Variants in ZMYND11 observed in about 807,000 individuals in gnomAD.
ZMYND11 encodes the protein zinc finger MYND domain-containing protein 11.
A neutral mutation model predicts 84.9 loss-of-function variants in ZMYND11; 9 were observed. The ratio of observed to expected loss-of-function variants is 0.11; its 90% CI spans 0.06 to 0.18. The LOEUF (loss-of-function observed/expected upper bound fraction) is 0.18. Among genes scored for constraint, ZMYND11 ranks in the 10% least tolerant of loss-of-function variants. The probability of loss-of-function intolerance (pLI) is 1.00; values close to 1 mark genes in which losing one functional copy is unlikely to be tolerated. For synonymous variants in ZMYND11, 250 were observed against 244.1 expected (o/e 1.02, Z -0.23); for missense variants, 409 against 761.0 (o/e 0.54, Z 5.44).
At chr10:241,700 T>G (rs1405705092) in intron 9 of ZMYND11, among the ~76,000 whole-genome samples, 1 of 152,008 alleles carries the variant, frequency 6.6e-6, no homozygotes. Flanking sequence ...AATTTCCCCA[T>G]TTCTAACAAA....
chr10:201,860 C>T (rs1197991050), intron 2 of ZMYND11, among the ~76,000 whole-genome samples: 1 of 152,100 alleles, frequency 6.6e-6, no homozygotes, highest in African/African-American at 2.4e-5. Flanking sequence ...CATTTACATG[C>T]CATTTCCTGA....
At chr10:140,767 G>A (rs1410273114) in intron 1 of ZMYND11, among the ~76,000 whole-genome samples, 4 of 152,104 alleles carry the variant, frequency 2.6e-5, no homozygotes, top group Admixed American at 1.3e-4. Flanking sequence ...ATACCCTTAC[G>A]TGCACATACT....
In ZMYND11 at chr10:239,866, A is replaced by C. The variant is rs79391065; in HGVS notation, c.698-190A>C. 2,063 of 563,344 alleles carry C rather than the reference A, an allele frequency of 3.7e-3. 14 individuals are homozygous for C. The highest frequency in any genetic ancestry group is 0.011 in the Middle Eastern group (24 of 2,144). 34.9% of individuals were successfully genotyped at this position (563,344 alleles called of 1,614,324 possible). On this transcript the variant is annotated intron_variant, in intron 7 of 14. Coordinates refer to ENST00000381604, the MANE Select transcript of ZMYND11 (RefSeq NM_001370100.5). ...GTAAGGTCATTCTCTATACCCTGAG[A>C]ATTAGTGGTTGTATTGGATGGAAAA... is the stretch of plus-strand genomic sequence containing the variant.
intron 1 of ZMYND11, among the ~76,000 whole-genome samples, chr10:149,233 A>T (rs753403110): frequency 3.0e-4 from 46 of 151,812 alleles, no homozygotes; most frequent in Non-Finnish European, 5.9e-4. Flanking sequence ...TTGGATCTCC[A>T]TCCCTGCACT....
intron 10 of ZMYND11, among the ~76,000 whole-genome samples, chr10:245,565 T>C (rs971888616): frequency 2.0e-5 from 3 of 152,228 alleles, no homozygotes; most frequent in African/African-American, 7.2e-5. Flanking sequence ...ACTTGTACTC[T>C]ACCGTAGAAA....
chr10:220,745 G>C (rs566387980), intron 3 of ZMYND11, among the ~76,000 whole-genome samples: 1 of 150,160 alleles, frequency 6.7e-6, no homozygotes, highest in East Asian at 1.9e-4. Context: ...AGCATCACCA[G>C]TTATTACTAT....
upstream of ZMYND11, among the ~76,000 whole-genome samples, chr10:131,580 A>C (rs1835313229): frequency 6.6e-6 from 1 of 152,200 alleles, no homozygotes; most frequent in Non-Finnish European, 1.5e-5. Flanking sequence ...GCTGGAGTGC[A>C]GGGATGCAAT....
At chr10:195,860 A>G (rs942954351) in intron 2 of ZMYND11, among the ~76,000 whole-genome samples, 3 of 152,232 alleles carry the variant, frequency 2.0e-5, no homozygotes, top group African/African-American at 7.2e-5. Context: ...TTTTAAAATA[A>G]TTTCTTATAT....
intron 10 of ZMYND11, among the ~76,000 whole-genome samples, chr10:243,978 C>T (rs1951598753): frequency 6.6e-6 from 1 of 152,084 alleles, no homozygotes; most frequent in Non-Finnish European, 1.5e-5. Context: ...TTTTTTCCGT[C>T]AAGCTTCTTA....
At chr10:197,740 T>C (rs985654732) in intron 2 of ZMYND11, among the ~76,000 whole-genome samples, 2 of 152,156 alleles carry the variant, frequency 1.3e-5, no homozygotes, top group Non-Finnish European at 2.9e-5. Flanking sequence ...GGTGGCAGAG[T>C]GTAGTCCTAT....
intron 3 of ZMYND11, among the ~76,000 whole-genome samples, chr10:217,800 G>A (rs1946448874): frequency 6.6e-6 from 1 of 152,136 alleles, no homozygotes; most frequent in Non-Finnish European, 1.5e-5. Context: ...GGTAGAAAAT[G>A]ACACATAGAG....
In ZMYND11 at chr10:181,579, A is replaced by G. The variant is rs539788056; in HGVS notation, c.116+1451A>G. 1.1e-4 allele frequency among the ~76,000 whole-genome samples: 16 copies of G among 152,296 alleles called. No homozygotes were observed. The South Asian group carries it at 3.3e-3, about 32-fold the overall frequency. Reference sequence around the variant, plus strand: ...GGTTGCAGTGAGCCGAGGAAAGGCCACTGCACTCCAACCTGGGTAACAGTG... The same window carrying G: ...GGTTGCAGTGAGCCGAGGAAAGGCCGCTGCACTCCAACCTGGGTAACAGTG... On this transcript the variant is annotated intron_variant, in intron 2 of 14. Transcript: ENST00000381604.
chr10:169,640 A>G (rs782047927), intron 1 of ZMYND11, among the ~76,000 whole-genome samples: 8 of 152,158 alleles, frequency 5.3e-5, no homozygotes, highest in Non-Finnish European at 1.0e-4. Flanking sequence ...ACACTAACAG[A>G]CCGTAAAAAG....
chr10:147,529 T>C (rs1334597385), intron 1 of ZMYND11, among the ~76,000 whole-genome samples: 1 of 151,848 alleles, frequency 6.6e-6, no homozygotes, highest in Non-Finnish European at 1.5e-5. Context: ...TTAAATTTTT[T>C]TTTTTGGAAT....
At chr10:147,071 C>A (rs572962900) in intron 1 of ZMYND11, among the ~76,000 whole-genome samples, 1 of 152,314 alleles carries the variant, frequency 6.6e-6, no homozygotes, top group East Asian at 1.9e-4. Flanking sequence ...TGGTATATAG[C>A]AGCACTACCA....
rs757725846 is a variant in ZMYND11, at chr10:248,425, G to A, written c.1317G>A (p.Gln439=). ...TCGAAAAAGTCTCCGTGTCAACTCAGACAAAGAAGTTAAGTGCCTCTTCAC... is the reference window on the plus strand; with the variant it reads ...TCGAAAAAGTCTCCGTGTCAACTCAAACAAAGAAGTTAAGTGCCTCTTCAC... ...QPIEKVSVST[Q]TKKLSASSPR... is the part of the protein sequence containing the mutation. Residue 439 remains glutamine (Q), a synonymous_variant, in exon 13 of 15, where the codon CAG becomes CAA. Transcript: ENST00000381604. 1.2e-6 allele frequency: 2 copies of A among 1,614,176 alleles called. No individual in the cohort carries two copies. The highest frequency in any genetic ancestry group is 4.5e-5 in the East Asian group (2 of 44,886).
chr10:236,028 G>C (rs557533675), intron 4 of ZMYND11, among the ~76,000 whole-genome samples: 29 of 152,172 alleles, frequency 1.9e-4, no homozygotes, highest in Non-Finnish European at 4.1e-4. Context: ...ATTGGGCAGA[G>C]AATCATTATC....
intron 1 of ZMYND11, chr10:148,893 G>C (rs545836717): frequency 6.6e-6 from 1 of 152,298 alleles, no homozygotes; most frequent in South Asian, 2.1e-4. Flanking sequence ...TTTAAAGTGT[G>C]CTAAGTCAAA....
intron 6 of ZMYND11, among the ~76,000 whole-genome samples, chr10:238,275 G>A (rs1274555391): frequency 2.0e-5 from 3 of 152,176 alleles, no homozygotes; most frequent in African/African-American, 7.2e-5. Flanking sequence ...CATGTGTCAT[G>A]TTGGAAATTT....
Sources: gnomAD v4.1 joint callset for allele counts (sites outside exome capture counted in the v4.1 genomes callset) on GRCh38, gnomAD v4.1.1 for gene constraint, MANE v1.5 for transcripts, NCBI Gene and HGNC (gene_info 2026-07-23, HGNC 2026-07-21) for gene names.